SLIT3: variants seen among roughly 807,000 people sequenced by gnomAD.
SLIT3 encodes the protein slit homolog 3 protein.
SLIT3 carries 68 observed loss-of-function variants against 184.0 expected under a neutral mutation model. That is an observed-to-expected ratio of 0.37 (90% confidence interval 0.30 to 0.45). The LOEUF (loss-of-function observed/expected upper bound fraction) is 0.45. Ranked by LOEUF, SLIT3 falls within the 20% of genes least tolerant of loss-of-function variation. The pLI, the probability that SLIT3 is intolerant of heterozygous loss-of-function variation, is 1.00. For missense variants in SLIT3, 1,707 were observed against 2,026.0 expected (o/e 0.84, Z 3.02); for synonymous variants, 831 against 828.6 (o/e 1.00, Z -0.05).
intron 8 of SLIT3, 24 bp from the exon 9 acceptor site, chr5:168,806,611 C>T: frequency 6.2e-7 from 1 of 1,612,878 alleles, no homozygotes; most frequent in African/African-American, 1.3e-5. Context: ...ACACAACGGT[C>T]AACTTATGTC....
At chr5:168,724,525 C>T (rs1763045168) in intron 20 of SLIT3, 41 bp from the exon 21 acceptor site, 1 of 1,563,808 alleles carries the variant, frequency 6.4e-7, no homozygotes, top group African/African-American at 1.4e-5. Context: ...GAAAGAGACA[C>T]TGTACAAATT....
At position 168,693,489 on chromosome 5, in the gene SLIT3, TG is replaced by T. The variant is rs572906918; in HGVS notation, c.3083-790del. Among the ~76,000 whole-genome samples, 26 of 152,176 alleles carry T rather than the reference TG, an allele frequency of 1.7e-4. No individual in the cohort carries two copies. The South Asian group carries it at 5.2e-3, about 30-fold the overall frequency. On this transcript the variant is annotated intron_variant, in intron 28 of 35. Coordinates refer to ENST00000519560, the MANE Select transcript of SLIT3 (RefSeq NM_003062.4). ...CTGAAAAGCTTACACCACCTGAAAA[TG>T]TGTTTTAGGAATGTGGGGGAGGGCG...
In SLIT3 at chr5:168,662,444, C is replaced by G. The variant is rs565052417; in HGVS notation, c.*4010G>C. The G allele has an allele frequency of 1.6e-4, 24 of 152,338 alleles. No individual in the cohort carries two copies. The highest frequency in any genetic ancestry group is 1.4e-3 in the Admixed American group (21 of 15,300). The allele number at this position is 152,338 out of a possible 1,614,324, so 9.4% of individuals were successfully genotyped here. On this transcript the variant is annotated 3_prime_UTR_variant, in exon 36 of 36. Transcript: ENST00000519560. ...GCCTTTCCTGAAGGTCACCCTGGGG[C>G]TCTTTTCCCCCACCTTTTTTTTCCC...
chr5:169,189,526 GGATATATATA>G (rs1763471674), intron 4 of SLIT3, among the ~76,000 whole-genome samples: 1 of 86,124 alleles, frequency 1.2e-5, no homozygotes, highest in Non-Finnish European at 2.2e-5. Flanking sequence ...TAGATAGATG[GGATATATATA>G]TATATATATA....
chr5:168,907,979 T>TATATAG (rs376418381), intron 4 of SLIT3, among the ~76,000 whole-genome samples: 6 of 50,088 alleles, frequency 1.2e-4, no homozygotes, highest in African/African-American at 6.3e-4. Context: ...TATATATATA[T>TATATAG]AGAGAGAGAG....
intron 3 of SLIT3, among the ~76,000 whole-genome samples, chr5:169,237,373 C>A (rs951540720): frequency 2.0e-5 from 3 of 152,178 alleles, no homozygotes; most frequent in Non-Finnish European, 2.9e-5. Context: ...TAAACCCCAC[C>A]ATCCCCCACT....
intron 5 of SLIT3, among the ~76,000 whole-genome samples, chr5:168,862,293 TC>T (rs1335438082): frequency 6.6e-6 from 1 of 152,042 alleles, no homozygotes; most frequent in African/African-American, 2.4e-5. Context: ...CACCAAAATT[TC>T]AGAAATCACC....
chr5:169,142,688 A>G (rs1561693705), intron 4 of SLIT3, among the ~76,000 whole-genome samples: 1 of 152,190 alleles, frequency 6.6e-6, no homozygotes, highest in Non-Finnish European at 1.5e-5. Context: ...GGGGGATTTC[A>G]CTAATGTTCA....
intron 4 of SLIT3, among the ~76,000 whole-genome samples, chr5:168,950,282 C>T (rs76610455): frequency 2.0e-5 from 3 of 152,238 alleles, no homozygotes; most frequent in East Asian, 3.9e-4. Flanking sequence ...ACACCAAATC[C>T]GCTGGAGCTT....
chr5:169,294,166 A>T (rs1416131224), intron 1 of SLIT3, among the ~76,000 whole-genome samples: 2 of 152,116 alleles, frequency 1.3e-5, no homozygotes, highest in African/African-American at 4.8e-5. Flanking sequence ...CCTGCTAGGA[A>T]ATACAGCTGT....
In SLIT3 at chr5:169,140,260, C is replaced by T. The variant is rs901206492; in HGVS notation, c.413+53219G>A. Among the ~76,000 whole-genome samples, 48 of 136,882 alleles carry T rather than the reference C, an allele frequency of 3.5e-4. 2 individuals carry two copies. The highest frequency in any genetic ancestry group is 1.3e-3 in the African/African-American group (46 of 35,254). 89.8% of individuals were successfully genotyped at this position (136,882 alleles called of 152,430 possible). The stretch of plus-strand genomic sequence containing the variant: ...TGGGCAGATCACGAGGTCAGGATTT[C>T]GAGACCAGCCTGGCCAACATGGTAA... On this transcript the variant is annotated intron_variant, in intron 4 of 35. Transcript: ENST00000519560.
At chr5:169,135,146 C>T (rs1221983516) in intron 4 of SLIT3, among the ~76,000 whole-genome samples, 2 of 152,178 alleles carry the variant, frequency 1.3e-5, no homozygotes, top group Admixed American at 1.3e-4. Flanking sequence ...CACTCTGTTG[C>T]CCAGGGTGGG....
chr5:169,233,028 A>T (rs969706956), intron 3 of SLIT3, among the ~76,000 whole-genome samples: 1 of 135,430 alleles, frequency 7.4e-6, no homozygotes, highest in Non-Finnish European at 1.5e-5. Flanking sequence ...ATATATACAC[A>T]TATATATATT....
At chr5:168,696,522 T>C in intron 27 of SLIT3, 91 bp from the exon 28 acceptor site, 4 of 1,462,606 alleles carry the variant, frequency 2.7e-6, no homozygotes, top group Non-Finnish European at 3.8e-6. Context: ...GGGTGGGAAA[T>C]ACAATTAGTT....
At chr5:168,828,307 A>C (rs529436283) in intron 6 of SLIT3, among the ~76,000 whole-genome samples, 69 of 152,166 alleles carry the variant, frequency 4.5e-4, no homozygotes, top group Non-Finnish European at 7.9e-4. Flanking sequence ...TGGGTTGTGC[A>C]TGGAAGGAAC....
intron 4 of SLIT3, among the ~76,000 whole-genome samples, chr5:169,031,724 C>T (rs1214205481): frequency 6.6e-6 from 1 of 152,156 alleles, no homozygotes; most frequent in Non-Finnish European, 1.5e-5. Context: ...CGAATTCATA[C>T]ACAGCAAGTT....
intron 4 of SLIT3, among the ~76,000 whole-genome samples, chr5:169,150,733 A>T (rs297830): frequency 6.6e-6 from 1 of 151,966 alleles, no homozygotes; most frequent in African/African-American, 2.4e-5. Context: ...TTGAACAAGA[A>T]CTTGAACAAG....
At chr5:168,805,489 AG>A (rs1198456650) in intron 9 of SLIT3, among the ~76,000 whole-genome samples, 5 of 152,216 alleles carry the variant, frequency 3.3e-5, no homozygotes, top group Non-Finnish European at 7.3e-5. Context: ...CTAAAGGTGA[AG>A]GCAAAAAAAT....
chr5:168,986,932 C>CA (rs1435601984), intron 4 of SLIT3, among the ~76,000 whole-genome samples: 2 of 152,228 alleles, frequency 1.3e-5, no homozygotes, highest in African/African-American at 4.8e-5. Flanking sequence ...CCTTTAATCC[C>CA]AGGTACTCAG....
Sources: gnomAD v4.1 joint callset for allele counts (sites outside exome capture counted in the v4.1 genomes callset) on GRCh38, gnomAD v4.1.1 for gene constraint, MANE v1.5 for transcripts, NCBI Gene and HGNC (gene_info 2026-07-23, HGNC 2026-07-21) for gene names.